The following RIN2 variants were observed in gnomAD, a reference collection of about 807,000 sequenced individuals.
The protein encoded by RIN2 is Ras and Rab interactor 2.
Under a neutral mutation model 78.0 loss-of-function variants are expected in RIN2, and 36 were observed. The observed-to-expected ratio is 0.46, with a 90% confidence interval of 0.35 to 0.61. The LOEUF is 0.61. Ranked by LOEUF, RIN2 falls within the 20% of genes least tolerant of loss-of-function variation. RIN2 has a pLI of 0.00. For synonymous variants in RIN2, 466 were observed against 466.8 expected (o/e 1.00, Z 0.02); for missense variants, 1,087 against 1,159.7 (o/e 0.94, Z 0.91).
intron 7 of RIN2, among the ~76,000 whole-genome samples, chr20:19,965,311 G>A (rs947644084): frequency 3.3e-5 from 5 of 152,060 alleles, no homozygotes; most frequent in Admixed American, 6.6e-5. Flanking sequence ...GGCCCATCAA[G>A]CAGGAAACAC....
At chr20:19,782,980 C>A (rs776194645) in intron 1 of RIN2, among the ~76,000 whole-genome samples, 2 of 152,188 alleles carry the variant, frequency 1.3e-5, no homozygotes, top group East Asian at 1.9e-4. Context: ...TGTCTGAAGA[C>A]AAGCTTAAAC....
intron 6 of RIN2, among the ~76,000 whole-genome samples, chr20:19,964,588 G>A (rs2041877692): frequency 6.6e-6 from 1 of 152,160 alleles, no homozygotes; most frequent in Admixed American, 6.5e-5. Flanking sequence ...GGGAGTAGGG[G>A]TCTTGGTGTT....
intron 9 of RIN2, among the ~76,000 whole-genome samples, chr20:19,978,867 G>A (rs1231269584): frequency 6.6e-6 from 1 of 152,204 alleles, no homozygotes; most frequent in Non-Finnish European, 1.5e-5. Context: ...GTGCAGTTTG[G>A]GGGCCCTACT....
chr20:19,826,971 T>C (rs572944493), intron 2 of RIN2, among the ~76,000 whole-genome samples: 5 of 131,322 alleles, frequency 3.8e-5, no homozygotes, highest in African/African-American at 1.6e-4. Flanking sequence ...TCGTTTGGTT[T>C]TGGGTTTTTT....
At chr20:19,760,615 TG>T (rs1331552070) in intron 1 of RIN2, among the ~76,000 whole-genome samples, 1 of 152,088 alleles carries the variant, frequency 6.6e-6, no homozygotes, top group East Asian at 1.9e-4. Flanking sequence ...TTCCTCTGCT[TG>T]GAGGACACAG....
At chr20:19,810,065 C>T (rs965978122) in intron 2 of RIN2, among the ~76,000 whole-genome samples, 1 of 151,984 alleles carries the variant, frequency 6.6e-6, no homozygotes. Flanking sequence ...GGCCCTTTGG[C>T]TCCTAGGGCT....
At chr20:19,868,594 C>T (rs953470631) in intron 2 of RIN2, among the ~76,000 whole-genome samples, 1 of 152,078 alleles carries the variant, frequency 6.6e-6, no homozygotes, top group Non-Finnish European at 1.5e-5. Flanking sequence ...CGTGAACATT[C>T]GACAACAGGC....
At chr20:19,971,318 T>G (rs1286781996) in intron 8 of RIN2, among the ~76,000 whole-genome samples, 1 of 152,104 alleles carries the variant, frequency 6.6e-6, no homozygotes, top group Admixed American at 6.6e-5. Context: ...GCTGTTCTGG[T>G]CCATGTCCTA....
At position 19,990,099 on chromosome 20, in the gene RIN2, G is replaced by A. The variant is rs2042746667; in HGVS notation, c.1856G>A (p.Gly619Asp). 6.2e-7 allele frequency: 1 copy of A among 1,600,204 alleles called. No homozygotes were observed. Among genetic ancestry groups the A allele is most frequent in the East Asian group, 2.3e-5 (1 of 44,330 alleles). Reference sequence around the variant, plus strand: ...CTGAAGGACTTTCACATGGCCGATGGCTCATGGAAGCAACTCAAGGAGAAC... The same window carrying A: ...CTGAAGGACTTTCACATGGCCGATGACTCATGGAAGCAACTCAAGGAGAAC... Reference protein sequence around the residue: ...AMLKDFHMADGSWKQLKENLQ... With the variant: ...AMLKDFHMADDSWKQLKENLQ... The change falls in exon 10 of 13, where the codon GGC becomes GAC. Residue 619 changes from glycine to aspartate, a missense_variant. Gly to Asp is a moderately conservative substitution (Grantham distance 94). This residue lies in a region of RIN2 where 97 missense variants were observed against 104.8 expected (regional missense o/e 0.93). Transcript: ENST00000255006.
chr20:19,938,670 G>A (rs1387529571), intron 4 of RIN2, among the ~76,000 whole-genome samples: 2 of 152,202 alleles, frequency 1.3e-5, no homozygotes, highest in Non-Finnish European at 2.9e-5. Context: ...TTGTTGGGAA[G>A]ATTAAGTGAG....
intron 4 of RIN2, among the ~76,000 whole-genome samples, chr20:19,943,592 C>T (rs6106158): frequency 0.032 from 4,872 of 152,222 alleles, 120 homozygotes; most frequent in Non-Finnish European, 0.044. Context: ...AAAAAAAGGC[C>T]TTGAGGAATT....
intron 1 of RIN2, among the ~76,000 whole-genome samples, chr20:19,785,623 A>G (rs1334272310): frequency 2.0e-5 from 3 of 152,156 alleles, no homozygotes; most frequent in Admixed American, 1.3e-4. Flanking sequence ...CGTACTGGCT[A>G]TTTCAGTGGG....
chr20:19,844,601 CTCTTCT>C (rs1181481041), intron 2 of RIN2, among the ~76,000 whole-genome samples: 4,473 of 122,960 alleles, frequency 0.036, 185 homozygotes, highest in African/African-American at 0.075. Flanking sequence ...CTGCTTCTTC[CTCTTCT>C]TCTTCTTCTT....
chr20:19,802,846 A>G (rs959238158), intron 2 of RIN2, among the ~76,000 whole-genome samples: 1 of 152,164 alleles, frequency 6.6e-6, no homozygotes, highest in Non-Finnish European at 1.5e-5. Flanking sequence ...GAAGTCTTCC[A>G]GCCCCTGCTG....
At chr20:19,956,970 G>A (rs1190509194) in intron 5 of RIN2, among the ~76,000 whole-genome samples, 163 bp downstream of exon 5, 1 of 152,192 alleles carries the variant, frequency 6.6e-6, no homozygotes, top group Non-Finnish European at 1.5e-5. Context: ...GTAAACCCAG[G>A]AACAGAGCCC....
intron 1 of RIN2, among the ~76,000 whole-genome samples, chr20:19,788,443 A>C (rs867815701): frequency 6.9e-6 from 1 of 144,636 alleles, no homozygotes; most frequent in African/African-American, 2.6e-5. Flanking sequence ...AAAAAAAAAA[A>C]AAAAAACAAC....
At chr20:19,997,232 C>T (rs1568727713) in intron 12 of RIN2, among the ~76,000 whole-genome samples, 2 of 152,200 alleles carry the variant, frequency 1.3e-5, no homozygotes, top group Non-Finnish European at 2.9e-5. Flanking sequence ...ACAGCGATGT[C>T]TCCTTCCCTT....
intron 2 of RIN2, among the ~76,000 whole-genome samples, chr20:19,826,676 T>G (rs531128706): frequency 2.6e-5 from 4 of 152,220 alleles, no homozygotes; most frequent in Non-Finnish European, 4.4e-5. Flanking sequence ...TAGCTTAACC[T>G]CTGTTCAATC....
At chr20:19,999,802 C>T (rs759209147) in intron 12 of RIN2, among the ~76,000 whole-genome samples, 5 of 152,168 alleles carry the variant, frequency 3.3e-5, no homozygotes, top group Admixed American at 6.5e-5. Context: ...CCCTGCAGCA[C>T]CACCTTGCAT....
Sources: gnomAD v4.1 joint callset for allele counts (sites outside exome capture counted in the v4.1 genomes callset) on GRCh38, gnomAD v4.1.1 for gene constraint, gnomAD v4.1.1 regional missense constraint, MANE v1.5 for transcripts, NCBI Gene and HGNC (gene_info 2026-07-23, HGNC 2026-07-21) for gene names.